Variants in MINDY4B observed in about 807,000 individuals in gnomAD.
The protein encoded by MINDY4B is inactive ubiquitin carboxyl-terminal hydrolase MINDY-4B.
A neutral mutation model predicts 16.7 loss-of-function variants in MINDY4B; 25 were observed. That is an observed-to-expected ratio of 1.49 (90% CI 1.09 to 2.09). MINDY4B has a LOEUF of 2.09. Among genes scored for constraint, MINDY4B ranks in the 30% most tolerant of loss-of-function variants. The pLI is 0.00. For synonymous variants in MINDY4B, 132 were observed against 61.9 expected, an observed-to-expected ratio of 2.13 and a Z score of -5.32; for missense variants, 327 against 168.4, an observed-to-expected ratio of 1.94 and a Z score of -5.21.
At chr3:150,894,902 A>G (rs1351170688) in intron 3 of MINDY4B, among the ~76,000 whole-genome samples, 1 of 152,242 alleles carries the variant, frequency 6.6e-6, no homozygotes, top group Non-Finnish European at 1.5e-5. Context: ...AAAAAGTCTA[A>G]CACCCCACAG....
At chr3:150,880,686 A>G (rs1711515020) in intron 10 of MINDY4B, among the ~76,000 whole-genome samples, 1 of 152,236 alleles carries the variant, frequency 6.6e-6, no homozygotes, top group African/African-American at 2.4e-5. Flanking sequence ...GCGAGGATCC[A>G]GTGAAATAAT....
In MINDY4B at chr3:150,903,333, T is replaced by C. The variant is rs1191959184; in HGVS notation, c.225A>G (p.Pro75=). 1 of 398,588 alleles carries C rather than the reference T, an allele frequency of 2.5e-6. No individual in the cohort carries two copies. Among genetic ancestry groups the C allele is most frequent in the East Asian group, 3.6e-5 (1 of 28,066 alleles). 24.7% of individuals were successfully genotyped at this position (398,588 alleles called of 1,614,324 possible). The part of the protein sequence containing the change: ...LSQPKGQGHL[P]SSGLCSIPNP... ...TGGGAATAGAACAAAGGCCACTTGATGGCAAATGTCCTTGTCCTTTGGGCT... is the reference window on the plus strand; with the variant it reads ...TGGGAATAGAACAAAGGCCACTTGACGGCAAATGTCCTTGTCCTTTGGGCT... Residue 75 remains proline (P), a synonymous_variant, in exon 3 of 12, where the codon CCA becomes CCG. Coordinates refer to ENST00000465419, the MANE Select transcript of MINDY4B (RefSeq NM_001351281.2).
At chr3:150,873,970 T>C (rs1255847391) in intron 10 of MINDY4B, among the ~76,000 whole-genome samples, 1 of 151,984 alleles carries the variant, frequency 6.6e-6, no homozygotes, top group Non-Finnish European at 1.5e-5. Flanking sequence ...TGTTATCGGT[T>C]TTTTTCTAAG....
intron 3 of MINDY4B, among the ~76,000 whole-genome samples, chr3:150,898,660 C>T (rs1302901534): frequency 6.6e-6 from 1 of 152,160 alleles, no homozygotes; most frequent in Admixed American, 6.5e-5. Flanking sequence ...TTAACATAAT[C>T]AAGCATGGTT....
intron 10 of MINDY4B, among the ~76,000 whole-genome samples, chr3:150,882,378 C>G (rs982613645): frequency 6.6e-6 from 1 of 152,036 alleles, no homozygotes; most frequent in Non-Finnish European, 1.5e-5. Context: ...GAGTTTCAAA[C>G]GTAGGGGCCC....
At chr3:150,875,528 C>T (rs1238515832) in intron 10 of MINDY4B, among the ~76,000 whole-genome samples, 1 of 152,120 alleles carries the variant, frequency 6.6e-6, no homozygotes, top group Non-Finnish European at 1.5e-5. Flanking sequence ...AGGTGAAATT[C>T]ACTTGGCACT....
At chr3:150,877,939 G>A (rs1711499275) in intron 10 of MINDY4B, among the ~76,000 whole-genome samples, 1 of 152,244 alleles carries the variant, frequency 6.6e-6, no homozygotes, top group South Asian at 2.1e-4. Context: ...AGGCAGCATG[G>A]TCCAGTGGAC....
At position 150,891,239 on chromosome 3, in the gene MINDY4B, A is replaced by G. The variant is rs1285637065; in HGVS notation, c.522-136T>C. 4.9e-6 allele frequency: 3 copies of G among 609,304 alleles called. No homozygotes were observed. In the Admixed American group the frequency reaches 7.9e-5, roughly 16 times the overall value. The allele number at this position is 609,304 out of a possible 1,614,324, so 37.7% of individuals were successfully genotyped here. A position where few individuals can be genotyped will look rare whatever the true frequency, so the allele number is the denominator to read the frequency against. ...ATTTACACCCAGCTCACCTGGCTCC[A>G]AAGTTCCTGCCCTTGACTTTTATAC... On this transcript the variant is annotated intron_variant, in intron 5 of 11. Coordinates refer to ENST00000465419, the MANE Select transcript of MINDY4B (RefSeq NM_001351281.2).
chr3:150,890,930 G>T lies in MINDY4B; in HGVS notation c.687+8C>A. 1.4e-6 allele frequency: 1 copy of T among 702,272 alleles called. No homozygotes were observed. Among genetic ancestry groups the T allele is most frequent in the Non-Finnish European group, 2.6e-6 (1 of 384,418 alleles). The allele number at this position is 702,272 out of a possible 1,614,324, so 43.5% of individuals were successfully genotyped here. ...TTCATCTGCCAGGACAGGGAGAACT[G>T]CACTTACTCGCTCAGTGAAATTGTC... is the stretch of plus-strand genomic sequence containing the variant. On this transcript the variant is annotated splice_region_variant and intron_variant, in intron 6 of 11. Coordinates refer to ENST00000465419, the MANE Select transcript of MINDY4B (RefSeq NM_001351281.2).
Position 150,905,362 on chromosome 3 carries a change from G to A in MINDY4B, c.78C>T (p.Phe26=). 2.5e-6 allele frequency: 1 copy of A among 398,496 alleles called. No homozygotes were observed. The highest frequency in any genetic ancestry group is 3.6e-5 in the East Asian group (1 of 28,072). 24.7% of individuals were successfully genotyped at this position (398,496 alleles called of 1,614,324 possible). A position where few individuals can be genotyped will look rare whatever the true frequency, so the allele number is the denominator to read the frequency against. Residue 26 remains phenylalanine (F), a synonymous_variant, in exon 1 of 12, where the codon TTC becomes TTT. Coordinates refer to ENST00000465419, the MANE Select transcript of MINDY4B (RefSeq NM_001351281.2). ...DLEEISRKIS[F]LDKWREIFSY... ...TAAAGATTTCCCTCCATTTGTCAAG[G>A]AATGAAATTTTCCTTGAGATCTCCT...
At chr3:150,895,203 T>G (rs1047405805) in intron 3 of MINDY4B, among the ~76,000 whole-genome samples, 1 of 152,224 alleles carries the variant, frequency 6.6e-6, no homozygotes, top group Non-Finnish European at 1.5e-5. Context: ...AGTTAGAGTA[T>G]TTGCCTTTGT....
At chr3:150,873,149 C>A in intron 11 of MINDY4B, 38 bp downstream of exon 11, 1 of 687,830 alleles carries the variant, frequency 1.5e-6, no homozygotes, top group South Asian at 1.5e-5. Context: ...TCTTTGAGCA[C>A]ATTAAAATCC....
chr3:150,883,897 C>G (rs1317758744), intron 8 of MINDY4B, 125 bp from the exon 9 acceptor site: 1 of 620,970 alleles, frequency 1.6e-6, no homozygotes, highest in African/African-American at 1.8e-5. Flanking sequence ...TTCTCACTTG[C>G]ACTTTTCCAT....
At chr3:150,877,196 C>T (rs1264162776) in intron 10 of MINDY4B, among the ~76,000 whole-genome samples, 1 of 152,156 alleles carries the variant, frequency 6.6e-6, no homozygotes, top group African/African-American at 2.4e-5. Context: ...TTCACCTTGA[C>T]AGCAGAATCT....
At chr3:150,886,615 C>T (rs1171817364) in intron 7 of MINDY4B, among the ~76,000 whole-genome samples, 1 of 152,192 alleles carries the variant, frequency 6.6e-6, no homozygotes, top group Admixed American at 6.5e-5. Context: ...AGTCAAAGTG[C>T]TCACAAACCA....
At chr3:150,904,160 T>G (rs1359540593) in intron 2 of MINDY4B, among the ~76,000 whole-genome samples, 4 of 152,216 alleles carry the variant, frequency 2.6e-5, no homozygotes, top group African/African-American at 9.6e-5. Context: ...AAGATGCATT[T>G]TGTAAATCAA....
chr3:150,882,826 A>G lies in MINDY4B; in HGVS notation c.1059+71T>C, dbSNP rs1284244644. On this transcript the variant is annotated intron_variant, in intron 10 of 11. Coordinates refer to ENST00000465419, the MANE Select transcript of MINDY4B (RefSeq NM_001351281.2). Reference sequence around the variant, plus strand: ...AGTAGGCTCGGGTTTGAATTGCCTAAATAGACAGACTTTTAAACTGTTAAA... The same window carrying G: ...AGTAGGCTCGGGTTTGAATTGCCTAGATAGACAGACTTTTAAACTGTTAAA... 7 of 588,064 alleles carry G rather than the reference A, an allele frequency of 1.2e-5. No homozygotes were observed. The Admixed American group carries it at 1.5e-4, about 13-fold the overall frequency. 36.4% of individuals were successfully genotyped at this position (588,064 alleles called of 1,614,324 possible).
At chr3:150,892,023 T>C (rs1463763205) in intron 5 of MINDY4B, among the ~76,000 whole-genome samples, 1 of 152,208 alleles carries the variant, frequency 6.6e-6, no homozygotes, top group Admixed American at 6.5e-5. Context: ...CCATTTGAAT[T>C]CCCTGTGATC....
intron 3 of MINDY4B, among the ~76,000 whole-genome samples, chr3:150,902,318 G>A (rs771487136): frequency 2.4e-4 from 36 of 152,168 alleles, no homozygotes; most frequent in Non-Finnish European, 2.9e-4. Flanking sequence ...CATTCTTAAG[G>A]CCCTGAGTAG....
Sources: gnomAD v4.1 joint callset for allele counts (sites outside exome capture counted in the v4.1 genomes callset) on GRCh38, gnomAD v4.1.1 for gene constraint, MANE v1.5 for transcripts, NCBI Gene and HGNC (gene_info 2026-07-23, HGNC 2026-07-21) for gene names.